The following AGO2 variants were observed in gnomAD, a reference collection of about 807,000 sequenced individuals.
AGO2 encodes protein argonaute-2.
Under a neutral mutation model 102.3 loss-of-function variants are expected in AGO2, and 5 were observed. The ratio of observed to expected loss-of-function variants is 0.05; its 90% CI spans 0.03 to 0.10. The LOEUF (loss-of-function observed/expected upper bound fraction) is 0.10. Ranked by LOEUF, AGO2 falls within the 10% of genes least tolerant of loss-of-function variation. AGO2 has a pLI of 1.00. For missense variants in AGO2, 541 were observed against 1,183.7 expected (o/e 0.46, Z 7.97); for synonymous variants, 449 against 473.1 (o/e 0.95, Z 0.66).
rs145101232 is a variant in AGO2 at position 140,579,453 on chromosome 8, A to C, written c.215+5666T>G. 6.3e-3 allele frequency among the ~76,000 whole-genome samples: 953 copies of C among 152,236 alleles called. 12 individuals carry two copies. Among genetic ancestry groups the C allele is most frequent in the African/African-American group, 0.022 (916 of 41,552 alleles). On this transcript the variant is annotated intron_variant, in intron 2 of 18. Coordinates refer to ENST00000220592, the MANE Select transcript of AGO2 (RefSeq NM_012154.5). Reference sequence around the variant, plus strand: ...TTGGGATCTTTCCTCCTAACTGTATACAATGTCGCCACTAGGTCTAGAACT... The same window carrying C: ...TTGGGATCTTTCCTCCTAACTGTATCCAATGTCGCCACTAGGTCTAGAACT...
chr8:140,597,865 G>A (rs891841884), intron 1 of AGO2, among the ~76,000 whole-genome samples: 18 of 152,280 alleles, frequency 1.2e-4, no homozygotes, highest in Admixed American at 7.2e-4. Context: ...AAACGCACAC[G>A]CCTGTTCCAC....
intron 1 of AGO2, among the ~76,000 whole-genome samples, chr8:140,591,053 G>C (rs2073739827): frequency 6.6e-6 from 1 of 152,230 alleles, no homozygotes; most frequent in African/African-American, 2.4e-5. Flanking sequence ...CGGAATGAAG[G>C]AGGGAAGGAA....
chr8:140,601,811 T>C (rs1410476298), intron 1 of AGO2, among the ~76,000 whole-genome samples: 1 of 152,096 alleles, frequency 6.6e-6, no homozygotes, highest in Non-Finnish European at 1.5e-5. Flanking sequence ...ATTGCTTTTC[T>C]CCCCCCAAAT....
chr8:140,626,079 GC>G (rs2074273066), intron 1 of AGO2, among the ~76,000 whole-genome samples: 1 of 151,264 alleles, frequency 6.6e-6, no homozygotes, highest in Non-Finnish European at 1.5e-5. Flanking sequence ...GCAGCACGTG[GC>G]CTTCTAGTTC....
At position 140,547,539 on chromosome 8, in the gene AGO2, G is replaced by A; in HGVS notation, c.1677C>T (p.Thr559=). 10 of 1,614,170 alleles carry A rather than the reference G, an allele frequency of 6.2e-6. No individual in the cohort carries two copies. The highest frequency in any genetic ancestry group is 8.5e-6 in the Non-Finnish European group (10 of 1,180,004). Reference sequence around the variant, plus strand: ...TGATCTTCAGGCAGAGGTTGGACAGGGTCTGTGGCGTGGTCCTCTGCACGT... The same window carrying A: ...TGATCTTCAGGCAGAGGTTGGACAGAGTCTGTGGCGTGGTCCTCTGCACGT... ...MKNVQRTTPQ[T]LSNLCLKINV... Residue 559 remains threonine (T), a synonymous_variant, in exon 13 of 19, where the codon ACC becomes ACT. Transcript: ENST00000220592.
chr8:140,581,076 A>AAGG (rs2073549944), intron 2 of AGO2, among the ~76,000 whole-genome samples: 2 of 152,252 alleles, frequency 1.3e-5, no homozygotes, highest in Non-Finnish European at 2.9e-5. Context: ...TCGATGGCCT[A>AAGG]AGGGCCCCCC....
At chr8:140,606,948 T>C (rs928214200) in intron 1 of AGO2, among the ~76,000 whole-genome samples, 7 of 144,942 alleles carry the variant, frequency 4.8e-5, no homozygotes, top group African/African-American at 1.5e-4. Flanking sequence ...ATAATAATAA[T>C]AATAAATTCT....
intron 1 of AGO2, among the ~76,000 whole-genome samples, chr8:140,632,760 G>A (rs2074357353): frequency 6.6e-6 from 1 of 152,198 alleles, no homozygotes; most frequent in Admixed American, 6.5e-5. Flanking sequence ...TCTAACTTCA[G>A]ATTCTAAATA....
At chr8:140,586,814 A>G (rs2073666012) in intron 1 of AGO2, among the ~76,000 whole-genome samples, 1 of 152,140 alleles carries the variant, frequency 6.6e-6, no homozygotes, top group Admixed American at 6.5e-5. Flanking sequence ...GGCTCCCAGG[A>G]AACGTCTAGG....
rs908376420 is a variant in AGO2, at chr8:140,589,126, C to T, written c.23-3815G>A. ...ACTCCTTTCGGAGTTGGCTCCTCCC[C>T]GACTTTTCAGGGAGGGATGTGGAGC... On this transcript the variant is annotated intron_variant, in intron 1 of 18. Coordinates refer to ENST00000220592, the MANE Select transcript of AGO2 (RefSeq NM_012154.5). This position sits in a 1 kb window ranked among gnomAD's most constrained non-coding sequence, Gnocchi z 4.2. Among the ~76,000 whole-genome samples the T allele has an allele frequency of 6.6e-6, 1 of 152,184 alleles. No individual in the cohort carries two copies. The highest frequency in any genetic ancestry group is 2.4e-5 in the African/African-American group (1 of 41,442).
chr8:140,551,276 C>G, intron 11 of AGO2, 27 bp downstream of exon 11: 1 of 1,488,044 alleles, frequency 6.7e-7, no homozygotes, highest in Non-Finnish European at 9.0e-7. Flanking sequence ...ACCCCCAGGC[C>G]GGAGCCTCTG....
Position 140,603,217 on chromosome 8 carries a change from C to T in AGO2, c.23-17906G>A, listed in dbSNP as rs184585604. On this transcript the variant is annotated intron_variant, in intron 1 of 18. Coordinates refer to ENST00000220592, the MANE Select transcript of AGO2 (RefSeq NM_012154.5). Reference sequence around the variant, plus strand: ...GGCCCTGTGGACCCGGCTCAGCAGACGATGGAATCCCAGATCTCATCGGGA... The same window carrying T: ...GGCCCTGTGGACCCGGCTCAGCAGATGATGGAATCCCAGATCTCATCGGGA... 7.9e-4 allele frequency among the ~76,000 whole-genome samples: 121 copies of T among 152,222 alleles called. 1 individual carries two copies. Among genetic ancestry groups the T allele is most frequent in the African/African-American group, 2.8e-3 (115 of 41,538 alleles).
chr8:140,639,729 T>C (rs549357897), upstream of AGO2, among the ~76,000 whole-genome samples: 5 of 152,312 alleles, frequency 3.3e-5, no homozygotes, highest in East Asian at 9.6e-4. Flanking sequence ...GCTATAACTG[T>C]GCCACTGCAT....
At chr8:140,545,594 G>A (rs972856784) in intron 13 of AGO2, among the ~76,000 whole-genome samples, 1 of 152,178 alleles carries the variant, frequency 6.6e-6, no homozygotes, top group Non-Finnish European at 1.5e-5. Context: ...TGCAGACGCT[G>A]TGGGGGCCAG....
At chr8:140,605,832 G>T in intron 1 of AGO2, 1 of 152,392 alleles carries the variant, frequency 6.6e-6, no homozygotes, top group Non-Finnish European at 1.5e-5. Context: ...CAGGGGCCAG[G>T]TGAGAATGGG....
intron 14 of AGO2, chr8:140,541,591 T>A (rs2072799449): frequency 4.6e-6 from 2 of 438,046 alleles, no homozygotes; most frequent in African/African-American, 2.1e-5. Context: ...TTACATAGTT[T>A]AAACAAAACA....
chr8:140,624,855 G>T (rs541206008), intron 1 of AGO2, among the ~76,000 whole-genome samples: 1 of 152,308 alleles, frequency 6.6e-6, no homozygotes, highest in East Asian at 1.9e-4. Context: ...GAAACGGGAC[G>T]AGGCTCAAAG....
intron 2 of AGO2, among the ~76,000 whole-genome samples, chr8:140,573,571 G>A (rs2073419068): frequency 6.6e-6 from 1 of 152,200 alleles, no homozygotes; most frequent in African/African-American, 2.4e-5. Context: ...CTAGACCCAT[G>A]AGTGGGTTTG....
the AGO2 span, among the ~76,000 whole-genome samples, chr8:140,642,214 AGGGAGCG>A: frequency 6.6e-6 from 1 of 151,448 alleles, no homozygotes; most frequent in African/African-American, 2.5e-5. Context: ...CTGGGGAGAC[AGGGAGCG>A]GCACGGCACT....
Sources: gnomAD v4.1 joint callset for allele counts (sites outside exome capture counted in the v4.1 genomes callset) on GRCh38, gnomAD v4.1.1 for gene constraint, Gnocchi (gnomAD v3.1) non-coding constraint, MANE v1.5 for transcripts, NCBI Gene and HGNC (gene_info 2026-07-23, HGNC 2026-07-21) for gene names.